CACNG2: variants seen among roughly 807,000 people sequenced by gnomAD.
The protein encoded by CACNG2 is voltage-dependent calcium channel gamma-2 subunit.
In CACNG2, 3 loss-of-function variants were observed where a neutral mutation model predicts 25.9. The observed-to-expected ratio is 0.12, with a 90% CI of 0.05 to 0.30. The LOEUF (loss-of-function observed/expected upper bound fraction) is 0.30. Ranked by LOEUF, CACNG2 falls within the 10% of genes least tolerant of loss-of-function variation. The pLI, the probability that CACNG2 is intolerant of heterozygous loss-of-function variation, is 1.00. For missense variants in CACNG2, 341 were observed against 432.5 expected (o/e 0.79, Z 1.88); for synonymous variants, 167 against 173.3 (o/e 0.96, Z 0.29).
chr22:36,632,750 T>C (rs1936294878), intron 1 of CACNG2, among the ~76,000 whole-genome samples: 1 of 152,068 alleles, frequency 6.6e-6, no homozygotes, highest in South Asian at 2.1e-4. Context: ...TCCTTCTCAG[T>C]CTCTTTGTGG....
intron 1 of CACNG2, among the ~76,000 whole-genome samples, chr22:36,643,494 A>G (rs535101840): frequency 0.031 from 4,728 of 151,660 alleles, 130 homozygotes; most frequent in Middle Eastern, 0.092. Flanking sequence ...CTATCTATCT[A>G]TCTATCTATC....
rs9607372 is a variant in CACNG2, at chr22:36,702,846, A to T, written c.-270T>A. 90,311 of 243,246 alleles carry T rather than the reference A, an allele frequency of 0.37. 19,281 individuals carry two copies. Among genetic ancestry groups the T allele is most frequent in the African/African-American group, 0.6 (23,951 of 39,758 alleles). 15.1% of individuals were successfully genotyped at this position (243,246 alleles called of 1,614,324 possible). A position where few individuals can be genotyped will look rare whatever the true frequency, so the allele number is the denominator to read the frequency against. ...GTTCCAGTTGCAGTGTTTTTTTTTT[A>T]AAAAGAAAAGGAAAAAAAAAATAAA... is the stretch of plus-strand genomic sequence containing the variant. On this transcript the variant is annotated 5_prime_UTR_variant, in exon 1 of 4. Transcript: ENST00000300105.
At chr22:36,618,322 A>T (rs1052593655) in intron 1 of CACNG2, among the ~76,000 whole-genome samples, 1 of 152,180 alleles carries the variant, frequency 6.6e-6, no homozygotes. Flanking sequence ...CTCCTCTGTC[A>T]CATCCCAGGC....
intron 1 of CACNG2, among the ~76,000 whole-genome samples, chr22:36,674,788 G>A (rs1350856792): frequency 1.3e-5 from 2 of 152,214 alleles, no homozygotes; most frequent in Non-Finnish European, 2.9e-5. Flanking sequence ...GGGAGGTAGG[G>A]TGCACAGTGG....
In CACNG2 at chr22:36,572,571, G is replaced by A. The variant is rs191255085; in HGVS notation, c.296-6078C>T. ...ACAAAAATTAGCCCGGCGTGGTGGC[G>A]CATGCCTGTAGTCCCAGCTACTCGG... On this transcript the variant is annotated intron_variant, in intron 2 of 3. Coordinates refer to ENST00000300105, the MANE Select transcript of CACNG2 (RefSeq NM_006078.5). Among the ~76,000 whole-genome samples the A allele has an allele frequency of 8.2e-3, 1,245 of 152,212 alleles. 12 individuals carry two copies. The highest frequency in any genetic ancestry group is 0.029 in the South Asian group (141 of 4,820).
At chr22:36,581,075 C>G (rs774201089) in intron 2 of CACNG2, among the ~76,000 whole-genome samples, 1 of 152,196 alleles carries the variant, frequency 6.6e-6, no homozygotes, top group Non-Finnish European at 1.5e-5. Context: ...CGTTCCTCAC[C>G]ACGCTCCTTA....
chr22:36,600,529 A>T (rs1252589190), intron 1 of CACNG2, among the ~76,000 whole-genome samples: 2 of 151,122 alleles, frequency 1.3e-5, no homozygotes, highest in East Asian at 3.9e-4. Context: ...ATAGTCTTTA[A>T]AAAAGCTTGA....
intron 1 of CACNG2, among the ~76,000 whole-genome samples, chr22:36,609,487 G>C (rs1240400622): frequency 1.6e-5 from 2 of 122,000 alleles, no homozygotes; most frequent in Non-Finnish European, 3.3e-5. Flanking sequence ...TCAGCCCGTA[G>C]AGCGTGATCA....
At chr22:36,637,794 C>T (rs960713345) in intron 1 of CACNG2, among the ~76,000 whole-genome samples, 1 of 152,058 alleles carries the variant, frequency 6.6e-6, no homozygotes, top group Admixed American at 6.6e-5. Context: ...CCAAGGCAGG[C>T]AGATCACTTG....
chr22:36,688,055 C>T (rs892267024), intron 1 of CACNG2, among the ~76,000 whole-genome samples: 1 of 152,062 alleles, frequency 6.6e-6, no homozygotes, highest in Non-Finnish European at 1.5e-5. Flanking sequence ...ACATACACTC[C>T]CACTGGTATA....
At chr22:36,620,099 C>T (rs1936082767) in intron 1 of CACNG2, among the ~76,000 whole-genome samples, 1 of 152,244 alleles carries the variant, frequency 6.6e-6, no homozygotes, top group African/African-American at 2.4e-5. Context: ...CATACACACA[C>T]ACACACAGTG....
chr22:36,570,278 G>T (rs1206164151), intron 2 of CACNG2, among the ~76,000 whole-genome samples: 1 of 152,240 alleles, frequency 6.6e-6, no homozygotes, highest in Non-Finnish European at 1.5e-5. Flanking sequence ...GAGCAGGGAG[G>T]GGTCTGCTGT....
intron 1 of CACNG2, among the ~76,000 whole-genome samples, chr22:36,669,524 A>G (rs1485115580): frequency 6.6e-6 from 1 of 151,264 alleles, no homozygotes; most frequent in African/African-American, 2.4e-5. Context: ...AAAAAAAAAA[A>G]AAAAAAAAAG....
At chr22:36,574,098 G>C (rs1935276309) in intron 2 of CACNG2, among the ~76,000 whole-genome samples, 1 of 152,126 alleles carries the variant, frequency 6.6e-6, no homozygotes, top group East Asian at 1.9e-4. Context: ...GGCCTCATGA[G>C]TTGAGCTAAA....
rs1399254011 is a variant in CACNG2 at position 36,587,565 on chromosome 22, G to C, written c.212-17C>G. ...TGAAATTCCCTGCAAAACAAGGGGA[G>C]AAGGAGCACATGAAACATCATAGTT... On this transcript the variant is annotated splice_polypyrimidine_tract_variant and intron_variant, in intron 1 of 3. Coordinates refer to ENST00000300105, the MANE Select transcript of CACNG2 (RefSeq NM_006078.5). 3 of 1,581,536 alleles carry C rather than the reference G, an allele frequency of 1.9e-6. No individual in the cohort carries two copies. In the African/African-American group the frequency reaches 4.0e-5, roughly 21 times the overall value.
chr22:36,573,579 G>C (rs1935267727), intron 2 of CACNG2, among the ~76,000 whole-genome samples: 1 of 152,206 alleles, frequency 6.6e-6, no homozygotes, highest in African/African-American at 2.4e-5. Context: ...TGATATGCCT[G>C]CCTCAGCCTC....
At chr22:36,698,132 CTTCTCTCCCTCTCTCCT>C (rs1022979756) in intron 1 of CACNG2, among the ~76,000 whole-genome samples, 3 of 152,036 alleles carry the variant, frequency 2.0e-5, no homozygotes, top group East Asian at 1.9e-4. Context: ...TCCGCACCCC[CTTCTCTCCCTCTCTCCT>C]TTCTCTCCCT....
chr22:36,649,351 G>T (rs2145973631), intron 1 of CACNG2, among the ~76,000 whole-genome samples: 1 of 152,084 alleles, frequency 6.6e-6, no homozygotes, highest in African/African-American at 2.4e-5. Flanking sequence ...GAGTACGGCG[G>T]TGTGATCTCG....
At chr22:36,584,324 C>A (rs770831553) in intron 2 of CACNG2, among the ~76,000 whole-genome samples, 1 of 152,148 alleles carries the variant, frequency 6.6e-6, no homozygotes, top group Non-Finnish European at 1.5e-5. Context: ...CATGGTGGCG[C>A]ATGCATGTAA....
Sources: gnomAD v4.1 joint callset for allele counts (sites outside exome capture counted in the v4.1 genomes callset) on GRCh38, gnomAD v4.1.1 for gene constraint, MANE v1.5 for transcripts, NCBI Gene and HGNC (gene_info 2026-07-23, HGNC 2026-07-21) for gene names.